AGGF1: variants seen among roughly 807,000 people sequenced by gnomAD.
AGGF1 encodes angiogenic factor with G-patch and FHA domains 1.
A neutral mutation model predicts 86.5 loss-of-function variants in AGGF1; 56 were observed. The observed-to-expected ratio is 0.65, with a 90% CI of 0.52 to 0.81. The LOEUF (loss-of-function observed/expected upper bound fraction) is 0.81, where lower values mean the gene tolerates loss of function less well. AGGF1 is among the 30% of genes least tolerant of loss of function. The probability of loss-of-function intolerance (pLI) is 0.00; values close to 1 mark genes in which losing one functional copy is unlikely to be tolerated. For synonymous variants in AGGF1, 313 were observed against 297.1 expected (o/e 1.05, Z -0.55); for missense variants, 816 against 850.9 (o/e 0.96, Z 0.51).
chr5:77,059,788 T>C (rs376170263), intron 12 of AGGF1, 45 bp downstream of exon 12: 1 of 1,609,148 alleles, frequency 6.2e-7, no homozygotes, highest in East Asian at 2.2e-5. Context: ...TTGTTCATAA[T>C]AACATTCATA....
chr5:77,034,621 G>A, intron 2 of AGGF1, 101 bp downstream of exon 2: 1 of 860,798 alleles, frequency 1.2e-6, no homozygotes, highest in South Asian at 1.4e-5. Flanking sequence ...CAAGGTAAAT[G>A]AGAATTGTTA....
intron 5 of AGGF1, among the ~76,000 whole-genome samples, chr5:77,042,933 G>A (rs1204597481): frequency 5.1e-4 from 7 of 13,826 alleles, no homozygotes; most frequent in East Asian, 1.9e-3. Context: ...TCCCTCCCGG[G>A]CGGGGCGGCT....
chr5:77,043,595 C>CG (rs1554046451), intron 5 of AGGF1, among the ~76,000 whole-genome samples: 87 of 118,752 alleles, frequency 7.3e-4, no homozygotes, highest in African/African-American at 2.2e-3. Flanking sequence ...TGACCCCCCC[C>CG]CCCCCGGATG....
At chr5:77,042,507 C>G (rs1747119179) in intron 5 of AGGF1, among the ~76,000 whole-genome samples, 1 of 87,770 alleles carries the variant, frequency 1.1e-5, no homozygotes, top group African/African-American at 3.4e-5. Flanking sequence ...CCCCCCACCT[C>G]CCTCCCGGAC....
At chr5:77,031,544 G>C (rs925668076) in intron 1 of AGGF1, among the ~76,000 whole-genome samples, 5 of 152,180 alleles carry the variant, frequency 3.3e-5, no homozygotes, top group African/African-American at 1.2e-4. Context: ...ACGTTAAGCA[G>C]CTTATTTCGT....
At chr5:77,045,691 G>A (rs565966110) in intron 5 of AGGF1, among the ~76,000 whole-genome samples, 8 of 152,246 alleles carry the variant, frequency 5.3e-5, no homozygotes, top group African/African-American at 1.9e-4. Flanking sequence ...AGCTAATTCT[G>A]TATTTTATTT....
At chr5:77,041,218 C>A (rs2359664) in intron 5 of AGGF1, among the ~76,000 whole-genome samples, 18,686 of 152,060 alleles carry the variant, frequency 0.12, 1,246 homozygotes, top group East Asian at 0.28. Context: ...TGTTTGCTTT[C>A]AAGATCTCTG....
At chr5:77,062,245 T>A (rs1351428824) in intron 13 of AGGF1, among the ~76,000 whole-genome samples, 1 of 152,192 alleles carries the variant, frequency 6.6e-6, no homozygotes, top group Non-Finnish European at 1.5e-5. Flanking sequence ...TAATTAATGG[T>A]CCCATGGTTC....
intron 4 of AGGF1, 79 bp downstream of exon 4, chr5:77,036,799 G>T: frequency 6.7e-7 from 1 of 1,489,538 alleles, no homozygotes; most frequent in East Asian, 2.3e-5. Context: ...GTGCAGTGGA[G>T]TGATCTCAGC....
chr5:77,043,980 T>C (rs1747195474), intron 5 of AGGF1, among the ~76,000 whole-genome samples: 1 of 108,806 alleles, frequency 9.2e-6, no homozygotes, highest in Non-Finnish European at 1.9e-5. Flanking sequence ...TCTCAGACAA[T>C]GGGCGGCCGG....
intron 4 of AGGF1, among the ~76,000 whole-genome samples, chr5:77,037,952 CAAT>C (rs1427396423): frequency 6.6e-6 from 1 of 152,092 alleles, no homozygotes; most frequent in Non-Finnish European, 1.5e-5. Flanking sequence ...GATTTGATGA[CAAT>C]GATAGAACTC....
chr5:77,046,262 C>G, intron 5 of AGGF1, 85 bp from the exon 6 acceptor site: 3 of 1,149,026 alleles, frequency 2.6e-6, no homozygotes, highest in Middle Eastern at 2.8e-4. Context: ...TTCACGAATT[C>G]GTTGAAACTT....
chr5:77,055,363 A>G, intron 10 of AGGF1, 151 bp from the exon 11 acceptor site: 1 of 584,042 alleles, frequency 1.7e-6, no homozygotes, highest in Non-Finnish European at 3.1e-6. Context: ...ACATCATCAC[A>G]ACCCAATATC....
At chr5:77,056,321 T>C (rs564406411) in intron 11 of AGGF1, among the ~76,000 whole-genome samples, 8 of 145,576 alleles carry the variant, frequency 5.5e-5, no homozygotes, top group Non-Finnish European at 6.0e-5. Flanking sequence ...CTCTGTCTCC[T>C]GGGTTCAAAT....
At chr5:77,046,815 T>A in intron 6 of AGGF1, 138 bp downstream of exon 6, 1 of 890,316 alleles carries the variant, frequency 1.1e-6, no homozygotes, top group Admixed American at 2.1e-5. Flanking sequence ...GAAAATGTTG[T>A]GGGTTGCCAC....
At chr5:77,033,637 A>G (rs1470681878) in intron 1 of AGGF1, among the ~76,000 whole-genome samples, 1 of 152,228 alleles carries the variant, frequency 6.6e-6, no homozygotes, top group Non-Finnish European at 1.5e-5. Context: ...TATTAGCAAC[A>G]GATCAGTTTT....
chr5:77,030,473 C>G lies in AGGF1; in HGVS notation c.-294C>G, dbSNP rs567316180. 3 of 603,260 alleles carry G rather than the reference C, an allele frequency of 5.0e-6. No homozygotes were observed. Among genetic ancestry groups the G allele is most frequent in the Middle Eastern group, 2.5e-4 (1 of 3,924 alleles). 37.4% of individuals were successfully genotyped at this position (603,260 alleles called of 1,614,324 possible). ...GCCTCTGGTTTTCCGACTGCTTATC[C>G]GACGCTCCTCCCTCTGTCTCTGTAG... is the stretch of plus-strand genomic sequence containing the variant. On this transcript the variant is annotated 5_prime_UTR_variant, in exon 1 of 14. Transcript: ENST00000312916.
In AGGF1 at chr5:77,063,098, A is replaced by G. The variant is rs1747592017; in HGVS notation, c.1991A>G (p.Lys664Arg). Residue 664 changes from lysine (K) to arginine (R), a missense_variant, in exon 14 of 14, where the codon AAA becomes AGA. This residue lies in a region of AGGF1 where 565 missense variants were observed against 585.8 expected (regional missense o/e 0.96). Coordinates refer to ENST00000312916, the MANE Select transcript of AGGF1 (RefSeq NM_018046.5). ...ACACATGCAGGCTTGGGGACAGGCA[A>G]ACCATCCTCATTTGAAGATGTTCAC... ...RRTHAGLGTG[K>R]PSSFEDVHLL... is the part of the protein sequence containing the mutation. 6.2e-7 allele frequency: 1 copy of G among 1,614,090 alleles called. No individual in the cohort carries two copies. Among genetic ancestry groups the G allele is most frequent in the African/African-American group, 1.3e-5 (1 of 75,020 alleles).
intron 11 of AGGF1, among the ~76,000 whole-genome samples, chr5:77,059,129 C>A (rs1747507901): frequency 6.6e-6 from 1 of 152,050 alleles, no homozygotes; most frequent in African/African-American, 2.4e-5. Context: ...TTTTTTCCCC[C>A]CAAACCCCAG....
Sources: gnomAD v4.1 joint callset for allele counts (sites outside exome capture counted in the v4.1 genomes callset) on GRCh38, gnomAD v4.1.1 for gene constraint, gnomAD v4.1.1 regional missense constraint, MANE v1.5 for transcripts, NCBI Gene and HGNC (gene_info 2026-07-23, HGNC 2026-07-21) for gene names.